FARP1: variants seen among roughly 807,000 people sequenced by gnomAD.
The protein encoded by FARP1 is FERM, ARH/RhoGEF and pleckstrin domain protein 1.
FARP1 carries 52 observed loss-of-function variants against 128.8 expected under a neutral mutation model. The ratio of observed to expected loss-of-function variants is 0.40; its 90% confidence interval spans 0.32 to 0.51. FARP1 has a LOEUF of 0.51. Ranked by LOEUF, FARP1 falls within the 20% of genes least tolerant of loss-of-function variation. The pLI is 0.45. For synonymous variants in FARP1, 580 were observed against 551.8 expected (o/e 1.05, Z -0.72); for missense variants, 1,333 against 1,367.9 (o/e 0.97, Z 0.40).
rs745787307 is a variant in FARP1 at position 98,213,307 on chromosome 13, T to G, written c.65T>G (p.Ile22Ser). The change falls in exon 2 of 27, where the codon ATC (isoleucine) becomes AGC (serine). Residue 22 changes from isoleucine (I) to serine (S), a missense_variant. By Grantham distance (142) the Ile-to-Ser change is moderately radical (BLOSUM62 -2). Coordinates refer to ENST00000319562, the MANE Select transcript of FARP1 (RefSeq NM_005766.4). ...SRLGAPENSG[I>S]STLERGQKPP... ...CTGGGGGCCCCGGAAAATTCGGGGA[T>G]CAGTACCTTGGAACGTGGACAGAAG... is the stretch of plus-strand genomic sequence containing the variant. 1.2e-6 allele frequency: 2 copies of G among 1,614,048 alleles called. No homozygotes were observed. The highest frequency in any genetic ancestry group is 2.7e-5 in the African/African-American group (2 of 74,920).
At chr13:98,440,605 G>C in intron 23 of FARP1, 65 bp from the exon 24 acceptor site, 2 of 1,521,998 alleles carry the variant, frequency 1.3e-6, no homozygotes, top group Non-Finnish European at 1.8e-6. Flanking sequence ...CAGCACCTCA[G>C]AGTGTATCAG....
chr13:98,351,169 C>G (rs139325236), intron 3 of FARP1, among the ~76,000 whole-genome samples: 12 of 152,174 alleles, frequency 7.9e-5, no homozygotes, highest in Non-Finnish European at 1.5e-4. Flanking sequence ...GGTGGGCCCC[C>G]TCCTCTTGGG....
chr13:98,253,022 T>C (rs1883419950), intron 2 of FARP1, among the ~76,000 whole-genome samples: 1 of 152,214 alleles, frequency 6.6e-6, no homozygotes, highest in Admixed American at 6.5e-5. Context: ...CTGCGTAGAA[T>C]TCCAAAGGTT....
chr13:98,236,344 A>G (rs1317743191), intron 2 of FARP1, among the ~76,000 whole-genome samples: 3 of 152,180 alleles, frequency 2.0e-5, no homozygotes, highest in Admixed American at 1.3e-4. Flanking sequence ...TTTAATTAAA[A>G]CCATGTAAGG....
chr13:98,343,326 G>C (rs1314689061), intron 2 of FARP1, among the ~76,000 whole-genome samples: 1 of 152,164 alleles, frequency 6.6e-6, no homozygotes, highest in Non-Finnish European at 1.5e-5. Flanking sequence ...TACAGCACAC[G>C]GAGTGAGCCT....
At chr13:98,390,616 A>G in intron 10 of FARP1, 196 bp from the exon 11 acceptor site, 3 of 542,378 alleles carry the variant, frequency 5.5e-6, no homozygotes, top group Non-Finnish European at 9.8e-6. Context: ...TGTATATTCA[A>G]GGAAAATATC....
chr13:98,261,355 G>A (rs765546724), intron 2 of FARP1, among the ~76,000 whole-genome samples: 36 of 152,210 alleles, frequency 2.4e-4, no homozygotes, highest in Non-Finnish European at 4.3e-4. Flanking sequence ...GGGGGAAAGA[G>A]TGTTGCCTTC....
At position 98,448,371 on chromosome 13, in the gene FARP1, T is replaced by C. The variant is rs577318934; in HGVS notation, c.*54T>C. On this transcript the variant is annotated 3_prime_UTR_variant, in exon 27 of 27. Coordinates refer to ENST00000319562, the MANE Select transcript of FARP1 (RefSeq NM_005766.4). ...CTGCTTTCCTGGAAGACGTTTCCTT[T>C]CTTCTGTATTAATGAAGCCTGGTAA... is the stretch of plus-strand genomic sequence containing the variant. The C allele has an allele frequency of 6.7e-6, 9 of 1,353,210 alleles. No homozygotes were observed. In the East Asian group the frequency reaches 1.8e-4, roughly 28 times the overall value. The allele number at this position is 1,353,210 out of a possible 1,614,324, so 83.8% of individuals were successfully genotyped here. A position where few individuals can be genotyped will look rare whatever the true frequency, so the allele number is the denominator to read the frequency against.
At position 98,431,032 on chromosome 13, in the gene FARP1, T is replaced by G; in HGVS notation, c.1906-11T>G. The G allele has an allele frequency of 1.9e-6, 3 of 1,599,134 alleles. No individual in the cohort carries two copies. The South Asian group carries it at 3.3e-5, about 18-fold the overall frequency. On this transcript the variant is annotated splice_polypyrimidine_tract_variant and intron_variant, in intron 17 of 26. Coordinates refer to ENST00000319562, the MANE Select transcript of FARP1 (RefSeq NM_005766.4). ...GCTGAACAGGACCCTCCTCCTCTGT[T>G]GCCTCCCAAGCACCTGGCGGCTCAC...
At chr13:98,168,566 G>A (rs1340836237) in intron 1 of FARP1, among the ~76,000 whole-genome samples, 2 of 152,214 alleles carry the variant, frequency 1.3e-5, no homozygotes, top group African/African-American at 4.8e-5. Context: ...TACTGGGGGG[G>A]TTCCCCTTGC....
chr13:98,407,066 C>T (rs777535445), intron 13 of FARP1: 2 of 152,672 alleles, frequency 1.3e-5, no homozygotes, highest in African/African-American at 2.4e-5. Context: ...ATTCTCGGCT[C>T]CAACTCTTTC....
At chr13:98,383,541 G>C (rs951479761) in intron 6 of FARP1, 5 of 152,214 alleles carry the variant, frequency 3.3e-5, no homozygotes, top group African/African-American at 1.2e-4. Flanking sequence ...TGCCCTAAGT[G>C]TGACAAGCTG....
chr13:98,279,782 G>A (rs1452723730), intron 2 of FARP1, among the ~76,000 whole-genome samples: 1 of 152,150 alleles, frequency 6.6e-6, no homozygotes, highest in Non-Finnish European at 1.5e-5. Flanking sequence ...ACTGTTACTC[G>A]TAGAGGCTTG....
intron 3 of FARP1, among the ~76,000 whole-genome samples, chr13:98,353,888 T>G (rs569816472): frequency 1.3e-5 from 2 of 152,240 alleles, no homozygotes; most frequent in Non-Finnish European, 2.9e-5. Flanking sequence ...AGAGTTCAAT[T>G]AACCATAACA....
At chr13:98,436,104 A>G (rs1892258037) in intron 19 of FARP1, 1 of 271,736 alleles carries the variant, frequency 3.7e-6, no homozygotes, top group African/African-American at 2.3e-5. Flanking sequence ...AGAAATTCCC[A>G]TGCAGGTATG....
chr13:98,401,946 G>A (rs1890790309), intron 13 of FARP1: 1 of 152,168 alleles, frequency 6.6e-6, no homozygotes. Flanking sequence ...CCCGGTGTTG[G>A]AGTGTTACTT....
intron 1 of FARP1, among the ~76,000 whole-genome samples, chr13:98,197,902 T>C (rs1879680666): frequency 6.6e-6 from 1 of 152,156 alleles, no homozygotes; most frequent in Non-Finnish European, 1.5e-5. Context: ...CCCAAAGTGC[T>C]GAGATTACAG....
At chr13:98,217,158 A>G (rs1195331085) in intron 2 of FARP1, among the ~76,000 whole-genome samples, 2 of 152,216 alleles carry the variant, frequency 1.3e-5, no homozygotes, top group Non-Finnish European at 2.9e-5. Flanking sequence ...CCAAGTGTTT[A>G]TTCAGTTTAT....
chr13:98,179,995 T>C (rs1035675973), intron 1 of FARP1, among the ~76,000 whole-genome samples: 1 of 152,014 alleles, frequency 6.6e-6, no homozygotes, highest in Non-Finnish European at 1.5e-5. Context: ...AGAAGAGATA[T>C]CTCCTGCTTC....
Sources: gnomAD v4.1 joint callset for allele counts (sites outside exome capture counted in the v4.1 genomes callset) on GRCh38, gnomAD v4.1.1 for gene constraint, MANE v1.5 for transcripts, NCBI Gene and HGNC (gene_info 2026-07-23, HGNC 2026-07-21) for gene names.